Variants in SGIP1 observed in about 807,000 individuals in gnomAD.
SGIP1 encodes the protein SH3GL interacting endocytic adaptor 1, also known as SH3-containing GRB2-like protein 3-interacting protein 1.
SGIP1 carries 38 observed loss-of-function variants against 107.5 expected under a neutral mutation model. That is an observed-to-expected ratio of 0.35 (90% confidence interval 0.27 to 0.46). SGIP1 has a LOEUF of 0.46. Ranked by LOEUF, SGIP1 falls within the 20% of genes least tolerant of loss-of-function variation. The probability of loss-of-function intolerance (pLI) is 1.00; values close to 1 mark genes in which losing one functional copy is unlikely to be tolerated. For missense variants in SGIP1, 929 were observed against 1,019.5 expected (o/e 0.91, Z 1.21); for synonymous variants, 365 against 366.1 (o/e 1.00, Z 0.03).
chr1:66,686,423 A>G (rs1295020999), intron 15 of SGIP1, among the ~76,000 whole-genome samples: 2 of 152,216 alleles, frequency 1.3e-5, no homozygotes, highest in Admixed American at 6.5e-5. Flanking sequence ...AATCTTAAAC[A>G]GTGTTGCTGT....
chr1:66,622,181 G>A (rs1242050638), intron 1 of SGIP1, among the ~76,000 whole-genome samples: 1 of 152,218 alleles, frequency 6.6e-6, no homozygotes, highest in Admixed American at 6.5e-5. Flanking sequence ...ATGCTGGGGA[G>A]TACTGGAGTA....
At chr1:66,661,221 G>T (rs763322116) in intron 8 of SGIP1, among the ~76,000 whole-genome samples, 10 of 152,118 alleles carry the variant, frequency 6.6e-5, no homozygotes, top group Non-Finnish European at 1.5e-4. Context: ...TGGTTTGTTG[G>T]GAACATGTTC....
At chr1:66,604,863 A>C (rs561869563) in intron 1 of SGIP1, among the ~76,000 whole-genome samples, 3 of 152,270 alleles carry the variant, frequency 2.0e-5, no homozygotes, top group African/African-American at 7.2e-5. Context: ...TCATTCACTT[A>C]GTTTTTCCTA....
rs767521549 is a variant in SGIP1 at position 66,733,931 on chromosome 1, C to T, written c.2031+51C>T. ...CTCTTCCACATGACATATTTGTTTT[C>T]TAAAGTACCTACTATTGAATAAAAG... On this transcript the variant is annotated intron_variant, in intron 21 of 24. Coordinates refer to ENST00000371037, the MANE Select transcript of SGIP1 (RefSeq NM_032291.4). 2.6e-5 allele frequency: 40 copies of T among 1,561,882 alleles called. No individual in the cohort carries two copies. In the South Asian group the frequency reaches 4.3e-4, roughly 17 times the overall value.
chr1:66,675,541 CTTTTTTTTT>C (rs71242802), intron 12 of SGIP1, among the ~76,000 whole-genome samples: 2 of 112,392 alleles, frequency 1.8e-5, no homozygotes, highest in Non-Finnish European at 3.3e-5. Flanking sequence ...CTTTTTCTTT[CTTTTTTTTT>C]TTTTTTTTTG....
chr1:66,613,342 G>A (rs531899755), intron 1 of SGIP1, among the ~76,000 whole-genome samples: 9 of 152,068 alleles, frequency 5.9e-5, no homozygotes, highest in Admixed American at 5.2e-4. Context: ...GTTTTGTTTT[G>A]TTTCTGAGTC....
At chr1:66,598,238 T>C (rs528190738) in intron 1 of SGIP1, among the ~76,000 whole-genome samples, 29 of 152,226 alleles carry the variant, frequency 1.9e-4, no homozygotes, top group Non-Finnish European at 4.1e-4. Context: ...TCCAGACTAG[T>C]ATAAGGAAAG....
At chr1:66,537,530 T>C (rs989145171) in intron 1 of SGIP1, among the ~76,000 whole-genome samples, 1 of 152,148 alleles carries the variant, frequency 6.6e-6, no homozygotes, top group African/African-American at 2.4e-5. Context: ...GTCTAGAAAG[T>C]ACTTTCCTTG....
At chr1:66,598,812 T>C (rs1370714424) in intron 1 of SGIP1, among the ~76,000 whole-genome samples, 1 of 152,088 alleles carries the variant, frequency 6.6e-6, no homozygotes. Context: ...CCAGGCTCCC[T>C]CTCCAACACT....
intron 1 of SGIP1, among the ~76,000 whole-genome samples, chr1:66,564,081 C>G (rs1034627318): frequency 6.6e-6 from 1 of 151,932 alleles, no homozygotes; most frequent in Non-Finnish European, 1.5e-5. Context: ...AAAATTGGAG[C>G]GGCTTAGATT....
rs571971094 is a variant in SGIP1 at position 66,744,579 on chromosome 1, T to C, written c.*1484T>C. The C allele has an allele frequency of 3.3e-5, 5 of 152,246 alleles. No individual in the cohort carries two copies. The highest frequency in any genetic ancestry group is 2.0e-4 in the Admixed American group (3 of 15,304). 9.4% of individuals were successfully genotyped at this position (152,246 alleles called of 1,614,324 possible). A position where few individuals can be genotyped will look rare whatever the true frequency, so the allele number is the denominator to read the frequency against. ...TTTTATAATTAGTTGTTAAATTTCATTTTACACCCACTCAAATTTAACAAA... is the reference window on the plus strand; with the variant it reads ...TTTTATAATTAGTTGTTAAATTTCACTTTACACCCACTCAAATTTAACAAA... On this transcript the variant is annotated 3_prime_UTR_variant, in exon 25 of 25. Coordinates refer to ENST00000371037, the MANE Select transcript of SGIP1 (RefSeq NM_032291.4).
At chr1:66,581,674 G>A (rs2061844597) in intron 1 of SGIP1, among the ~76,000 whole-genome samples, 1 of 151,954 alleles carries the variant, frequency 6.6e-6, no homozygotes, top group Non-Finnish European at 1.5e-5. Context: ...AGCTCAAGAT[G>A]AGTTATTGTA....
chr1:66,650,342 A>G (rs1475753793), intron 7 of SGIP1, among the ~76,000 whole-genome samples: 1 of 152,182 alleles, frequency 6.6e-6, no homozygotes, highest in Non-Finnish European at 1.5e-5. Context: ...CATCATGGAT[A>G]ATTGACTTTA....
intron 2 of SGIP1, among the ~76,000 whole-genome samples, chr1:66,630,034 G>A (rs1392065751): frequency 6.6e-6 from 1 of 152,130 alleles, no homozygotes; most frequent in Non-Finnish European, 1.5e-5. Flanking sequence ...ATCGACATTG[G>A]TTGATCCCAT....
rs909722552 is a variant in SGIP1, at chr1:66,559,708, T to C, written c.10+25340T>C. 2.6e-5 allele frequency among the ~76,000 whole-genome samples: 4 copies of C among 152,164 alleles called. No individual in the cohort carries two copies. In the East Asian group the frequency reaches 7.8e-4, roughly 30 times the overall value. ...AATGTCCAGAGGCAGAAAGGAGCTG[T>C]CTCTGGTGTCTCTGTTTAGAACCCA... On this transcript the variant is annotated intron_variant, in intron 1 of 24. Transcript: ENST00000371037.
chr1:66,683,046 T>C (rs2087166182), intron 15 of SGIP1, among the ~76,000 whole-genome samples: 2 of 152,216 alleles, frequency 1.3e-5, no homozygotes, highest in South Asian at 4.1e-4. Context: ...ATAGGTCAAC[T>C]CTAAGTGTGG....
At position 66,717,009 on chromosome 1, in the gene SGIP1, A is replaced by G. The variant is rs12038378; in HGVS notation, c.1631-2285A>G. Among the ~76,000 whole-genome samples the G allele has an allele frequency of 4.9e-4, 75 of 152,260 alleles. 1 individual carries two copies. In the East Asian group the frequency reaches 0.014, roughly 28 times the overall value. ...GACCTCCTTCCTTCTACACTTAGTA[A>G]GATTATCTTCATCCTCAGACCTCAG... On this transcript the variant is annotated intron_variant, in intron 18 of 24. Transcript: ENST00000371037.
chr1:66,742,460 C>CTTTTTTTGTTTTTTTTTTT (rs2094479264), intron 24 of SGIP1, among the ~76,000 whole-genome samples: 1 of 45,104 alleles, frequency 2.2e-5, no homozygotes, highest in Non-Finnish European at 4.3e-5. Flanking sequence ...AGCACCCTTT[C>CTTTTTTTGTTTTTTTTTTT]TTTTTTTTTT....
At chr1:66,694,661 C>T (rs1006561530) in intron 17 of SGIP1, 10 of 465,256 alleles carry the variant, frequency 2.1e-5, no homozygotes, top group South Asian at 9.1e-5. Context: ...TCATGGAACT[C>T]GTGCCACTGA....
Sources: allele counts gnomAD v4.1 joint callset (sites outside exome capture counted in the v4.1 genomes callset), GRCh38; gene constraint gnomAD v4.1.1; transcripts MANE v1.5; gene names NCBI Gene and HGNC (gene_info 2026-07-23, HGNC 2026-07-21).